Variants in SPG7 observed in about 807,000 individuals in gnomAD.
SPG7 encodes the protein mitochondrial inner membrane m-AAA protease component paraplegin.
Under a neutral mutation model 81.9 loss-of-function variants are expected in SPG7, and 103 were observed. The ratio of observed to expected loss-of-function variants is 1.26; its 90% CI spans 1.07 to 1.48. The LOEUF (loss-of-function observed/expected upper bound fraction) is 1.48. Ranked by LOEUF, SPG7 falls within the 40% of genes most tolerant of loss-of-function variation. The probability of loss-of-function intolerance (pLI) is 0.00; values close to 1 mark genes in which losing one functional copy is unlikely to be tolerated. For missense variants in SPG7, 1,241 were observed against 1,087.3 expected (o/e 1.14, Z -1.99); for synonymous variants, 534 against 444.2 (o/e 1.20, Z -2.54).
chr16:89,509,500 C>T (rs1044201967), intron 1 of SPG7, among the ~76,000 whole-genome samples: 35 of 152,208 alleles, frequency 2.3e-4, no homozygotes, highest in African/African-American at 8.4e-4. Context: ...CCGCCTGCCT[C>T]GGCCTCCCAA....
At chr16:89,534,418 G>C (rs527734117) in intron 9 of SPG7, among the ~76,000 whole-genome samples, 2 of 152,248 alleles carry the variant, frequency 1.3e-5, no homozygotes, top group African/African-American at 4.8e-5. Flanking sequence ...CATGTGGACT[G>C]TGGTGAATCA....
At position 89,557,126 on chromosome 16, in the gene SPG7, C is replaced by T. The variant is rs60711430; in HGVS notation, c.*33C>T. 11,485 of 1,581,660 alleles carry T rather than the reference C, an allele frequency of 7.3e-3. 630 individuals carry two copies. In the African/African-American group the frequency reaches 0.13, roughly 17 times the overall value. On this transcript the variant is annotated 3_prime_UTR_variant, in exon 17 of 17. Coordinates refer to ENST00000645818, the MANE Select transcript of SPG7 (RefSeq NM_003119.4). Reference sequence around the variant, plus strand: ...GTGTTGGCTGCACGTGCGGGTGGTCCGGGAAGTGAGGGCTCACTCAGCCAC... The same window carrying T: ...GTGTTGGCTGCACGTGCGGGTGGTCTGGGAAGTGAGGGCTCACTCAGCCAC...
rs1033287016 is a variant in SPG7, at chr16:89,545,748, G to T, written c.1450-910G>T. The T allele has an allele frequency of 1.3e-5, 4 of 309,764 alleles. 1 individual carries two copies. The highest frequency in any genetic ancestry group is 1.0e-4 in the South Asian group (4 of 40,168). 19.2% of individuals were successfully genotyped at this position (309,764 alleles called of 1,614,324 possible). On this transcript the variant is annotated intron_variant, in intron 10 of 16. Transcript: ENST00000645818. ...AAACATTTTACATCAGGATTTAGAC[G>T]CATGGAACATGTGTGGGAATTGGAA...
At chr16:89,530,538 C>G in intron 6 of SPG7, 145 bp from the exon 7 acceptor site, 1 of 873,124 alleles carries the variant, frequency 1.1e-6, no homozygotes, top group Non-Finnish European at 2.0e-6. Flanking sequence ...CTGTGAGCCT[C>G]GTCAGCCTGA....
At chr16:89,550,322 G>A (rs960248760) in intron 12 of SPG7, 172 bp from the exon 13 acceptor site, 13 of 601,122 alleles carry the variant, frequency 2.2e-5, no homozygotes, top group South Asian at 3.3e-5. Flanking sequence ...GCAGGCGCCC[G>A]CCATCACACC....
intron 13 of SPG7, chr16:89,552,746 T>G: frequency 1.8e-6 from 1 of 562,826 alleles, no homozygotes; most frequent in Non-Finnish European, 3.2e-6. Flanking sequence ...TGTCTAGTCA[T>G]GTATGAGAAG....
chr16:89,534,544 C>A (rs889349218), intron 9 of SPG7, among the ~76,000 whole-genome samples: 7 of 152,070 alleles, frequency 4.6e-5, no homozygotes, highest in African/African-American at 1.7e-4. Context: ...TTTTTTTCCC[C>A]AAGTGTTCTG....
At chr16:89,510,657 G>T in intron 2 of SPG7, 65 bp downstream of exon 2, 1 of 999,514 alleles carries the variant, frequency 1.0e-6, no homozygotes, top group South Asian at 1.3e-5. Context: ...CTACTTGGGA[G>T]GCTGATCTTT....
intron 9 of SPG7, among the ~76,000 whole-genome samples, chr16:89,534,101 A>G (rs886811200): frequency 3.9e-5 from 6 of 152,194 alleles, no homozygotes; most frequent in African/African-American, 1.4e-4. Flanking sequence ...AGCAACCGCC[A>G]CCACCACGTG....
chr16:89,546,401 G>C, intron 10 of SPG7: 1 of 445,904 alleles, frequency 2.2e-6, no homozygotes, highest in South Asian at 2.0e-5. Context: ...CTTGTGGCCA[G>C]GCATGGTGGC....
chr16:89,508,394 C>A (rs891570612), upstream of SPG7: 10 of 1,468,890 alleles, frequency 6.8e-6, no homozygotes, highest in Middle Eastern at 9.6e-4. Flanking sequence ...CCGCGGATCA[C>A]GCAGGCGCGG....
intron 1 of SPG7, among the ~76,000 whole-genome samples, chr16:89,510,182 C>A (rs558359375): frequency 8.5e-4 from 129 of 151,522 alleles, no homozygotes; most frequent in African/African-American, 3.1e-3. Context: ...ACCATGTTGG[C>A]CAGGCTGGTC....
intron 9 of SPG7, chr16:89,538,416 G>C (rs139538461): frequency 6.6e-6 from 1 of 152,466 alleles, no homozygotes; most frequent in Non-Finnish European, 1.5e-5. Context: ...GGGACGGATG[G>C]ACAGGAGGAG....
intron 11 of SPG7, chr16:89,547,180 G>A (rs1474413845): frequency 1.3e-5 from 3 of 230,664 alleles, no homozygotes; most frequent in Non-Finnish European, 1.8e-5. Flanking sequence ...CCTGCTGTGT[G>A]GTTCACATTT....
chr16:89,530,028 G>A (rs893070776), intron 6 of SPG7: 2 of 303,470 alleles, frequency 6.6e-6, no homozygotes, highest in South Asian at 3.0e-5. Context: ...TGGTAGAGAC[G>A]GGGTTTCTCC....
At position 89,548,699 on chromosome 16, in the gene SPG7, G is replaced by T. The variant is rs973267664; in HGVS notation, c.1663+586G>T. 8 of 348,756 alleles carry T rather than the reference G, an allele frequency of 2.3e-5. No homozygotes were observed. In the Admixed American group the frequency reaches 2.7e-4, roughly 12 times the overall value. 21.6% of individuals were successfully genotyped at this position (348,756 alleles called of 1,614,324 possible). On this transcript the variant is annotated intron_variant, in intron 12 of 16. Transcript: ENST00000645818. ...TGCCGTTCCGTGGCTGCTCAGTGTG[G>T]GGTCTGCGACGTCTGTGAGGAGAGA...
intron 6 of SPG7, 27 bp downstream of exon 6, chr16:89,529,606 G>T: frequency 6.6e-7 from 1 of 1,504,700 alleles, no homozygotes; most frequent in Non-Finnish European, 9.2e-7. Context: ...AGAGCTCTCT[G>T]AACTCTTTCT....
Position 89,532,022 on chromosome 16 carries a change from C to G in SPG7, c.1106C>G (p.Pro369Arg). The change falls in exon 8 of 17, where the codon CCC (proline) becomes CGC (arginine). Residue 369 changes from proline to arginine, a missense_variant. By Grantham distance (103) the Pro-to-Arg change is moderately radical. Transcript: ENST00000645818. Reference sequence around the variant, plus strand: ...GCGGTGGCCACGGAGGCTCAGGTGCCCTTCCTGGCGATGGCCGGCCCAGAG... The same window carrying G: ...GCGGTGGCCACGGAGGCTCAGGTGCGCTTCCTGGCGATGGCCGGCCCAGAG... ...AKAVATEAQV[P>R]FLAMAGPEFV... is the part of the protein sequence containing the mutation. 1 of 1,613,678 alleles carries G rather than the reference C, an allele frequency of 6.2e-7. No individual in the cohort carries two copies. The highest frequency in any genetic ancestry group is 1.7e-4 in the Middle Eastern group (1 of 5,788).
chr16:89,546,208 T>A (rs1027064312), intron 10 of SPG7: 6 of 308,514 alleles, frequency 1.9e-5, no homozygotes, highest in South Asian at 2.7e-5. Flanking sequence ...CGCCTCAGCC[T>A]CCCGAGTAGC....
Sources: gnomAD v4.1 joint callset for allele counts (sites outside exome capture counted in the v4.1 genomes callset) on GRCh38, gnomAD v4.1.1 for gene constraint, MANE v1.5 for transcripts, NCBI Gene and HGNC (gene_info 2026-07-23, HGNC 2026-07-21) for gene names.